The following BBOF1 variants were observed in gnomAD, a reference collection of about 807,000 sequenced individuals.
BBOF1 encodes the protein basal body-orientation factor 1.
A neutral mutation model predicts 68.0 loss-of-function variants in BBOF1; 62 were observed. That is an observed-to-expected ratio of 0.91 (90% CI 0.74 to 1.13). The LOEUF is 1.13. Ranked by LOEUF, BBOF1 falls within the 50% of genes most tolerant of loss-of-function variation. The probability of loss-of-function intolerance (pLI) is 0.00; values close to 1 mark genes in which losing one functional copy is unlikely to be tolerated. For synonymous variants in BBOF1, 208 were observed against 198.8 expected (o/e 1.05, Z -0.39); for missense variants, 534 against 600.1 (o/e 0.89, Z 1.15).
At chr14:74,021,219 T>TC (rs1272058546) in intron 1 of BBOF1, among the ~76,000 whole-genome samples, 4 of 152,166 alleles carry the variant, frequency 2.6e-5, no homozygotes, top group African/African-American at 9.7e-5. Context: ...AAAAATCTCT[T>TC]CCTTTACCAC....
intron 4 of BBOF1, among the ~76,000 whole-genome samples, chr14:74,036,683 CAAA>C (rs35152747): frequency 4.6e-5 from 5 of 108,478 alleles, no homozygotes; most frequent in African/African-American, 3.8e-5. Flanking sequence ...GACTCTGTCT[CAAA>C]AAAAAAAAAA....
chr14:74,043,111 G>A (rs1267388758), intron 5 of BBOF1, among the ~76,000 whole-genome samples: 1 of 152,024 alleles, frequency 6.6e-6, no homozygotes, highest in Non-Finnish European at 1.5e-5. Context: ...CAATCGGCCT[G>A]TTCATTTACT....
At chr14:74,074,769 G>A (rs1595129821) in intron 9 of BBOF1, among the ~76,000 whole-genome samples, 1 of 152,152 alleles carries the variant, frequency 6.6e-6, no homozygotes, top group African/African-American at 2.4e-5. Flanking sequence ...AGAACCTCTA[G>A]AAGCCATGAA....
chr14:74,056,198 A>ATTT (rs34594924), intron 9 of BBOF1, among the ~76,000 whole-genome samples: 17,080 of 123,796 alleles, frequency 0.14, 1,709 homozygotes, highest in East Asian at 0.56. Context: ...CGCCCGGCTA[A>ATTT]TTTTTTTTTT....
rs1024923841 is a variant in BBOF1 at position 74,079,682 on chromosome 14, T to A, written n.1536+1330T>A. On this transcript the variant is annotated intron_variant and non_coding_transcript_variant, in intron 10 of 12. Coordinates refer to the BBOF1 transcript ENST00000492026. Reference sequence around the variant, plus strand: ...CTCCTGACCTCATGATCCGCCCGCCTCAGCCTCCCAAAGTGCTGGGATTAC... The same window carrying A: ...CTCCTGACCTCATGATCCGCCCGCCACAGCCTCCCAAAGTGCTGGGATTAC... Among the ~76,000 whole-genome samples the A allele has an allele frequency of 3.3e-5, 5 of 152,082 alleles. No individual in the cohort carries two copies. In the East Asian group the frequency reaches 7.7e-4, roughly 24 times the overall value.
At chr14:74,028,302 T>C (rs1261709695) in intron 2 of BBOF1, among the ~76,000 whole-genome samples, 2 of 151,910 alleles carry the variant, frequency 1.3e-5, no homozygotes, top group Non-Finnish European at 2.9e-5. Flanking sequence ...CCAGGAGGCA[T>C]AGGTTGCTGT....
intron 8 of BBOF1, among the ~76,000 whole-genome samples, chr14:74,054,402 G>A (rs182008993): frequency 4.7e-5 from 7 of 148,440 alleles, no homozygotes; most frequent in Non-Finnish European, 1.0e-4. Flanking sequence ...TTTTTGAGTC[G>A]GAGTCTCGCT....
intron 6 of BBOF1, among the ~76,000 whole-genome samples, chr14:74,047,164 T>G (rs1040646789): frequency 2.0e-5 from 3 of 152,212 alleles, no homozygotes; most frequent in Non-Finnish European, 4.4e-5. Flanking sequence ...AGGGTTGTCA[T>G]GAGGTATATT....
intron 4 of BBOF1, among the ~76,000 whole-genome samples, chr14:74,036,558 C>T (rs1595042417): frequency 6.6e-6 from 1 of 152,058 alleles, no homozygotes; most frequent in East Asian, 1.9e-4. Flanking sequence ...GTGGCATGTG[C>T]CTGTAGTCCC....
chr14:74,062,136 C>G (rs1595106872), intron 11 of BBOF1, among the ~76,000 whole-genome samples: 1 of 147,016 alleles, frequency 6.8e-6, no homozygotes, highest in Non-Finnish European at 1.5e-5. Flanking sequence ...GTGGAGGTTG[C>G]AAGTGAGCCG....
downstream of BBOF1, among the ~76,000 whole-genome samples, chr14:74,068,495 C>A (rs781764286): frequency 1.5e-4 from 23 of 152,256 alleles, no homozygotes; most frequent in Non-Finnish European, 3.1e-4. Flanking sequence ...AATCCCAGCA[C>A]TTTGGGAGGC....
rs761042866 is a variant in BBOF1 at position 74,046,083 on chromosome 14, AAAG to A, written c.605_607del (p.Lys202del). On this transcript the variant is annotated inframe_deletion, in exon 6 of 12. Coordinates refer to ENST00000394009, the MANE Select transcript of BBOF1 (RefSeq NM_025057.3). The stretch of plus-strand genomic sequence containing the variant: ...AGCACCGACTAGAACAAGAGGCTGA[AAAG>A]AAGATAATAATGCTAGCAGAGAGAG... 1.2e-6 allele frequency: 2 copies of A among 1,608,972 alleles called. No homozygotes were observed. The highest frequency in any genetic ancestry group is 3.4e-5 in the Admixed American group (2 of 59,166).
downstream of BBOF1, among the ~76,000 whole-genome samples, chr14:74,066,550 A>G (rs548222355): frequency 9.2e-5 from 14 of 152,188 alleles, no homozygotes; most frequent in South Asian, 2.5e-3. Flanking sequence ...TTAGAAGGAG[A>G]GGCTCATTCA....
At chr14:74,042,523 T>A (rs2059844942) in intron 5 of BBOF1, among the ~76,000 whole-genome samples, 1 of 152,210 alleles carries the variant, frequency 6.6e-6, no homozygotes, top group Non-Finnish European at 1.5e-5. Flanking sequence ...GGTAGTTAAC[T>A]GCAGTTTGAA....
intron 2 of BBOF1, among the ~76,000 whole-genome samples, chr14:74,027,090 T>TC (rs1028780448): frequency 7.2e-6 from 1 of 138,820 alleles, no homozygotes; most frequent in African/African-American, 2.7e-5. Context: ...GCCTTTTTTT[T>TC]TTTTTTTTTT....
At chr14:74,064,297 CAAA>C (rs368051564) in intron 11 of BBOF1, among the ~76,000 whole-genome samples, 1 of 127,056 alleles carries the variant, frequency 7.9e-6, no homozygotes, top group Non-Finnish European at 1.7e-5. Flanking sequence ...GACTGTGTCT[CAAA>C]AAAAAAAAAA....
chr14:74,070,964 T>TC, downstream of BBOF1: 1 of 561,108 alleles, frequency 1.8e-6, no homozygotes. Context: ...CTAGCCCTAA[T>TC]CCATATTTCT....
intron 11 of BBOF1, among the ~76,000 whole-genome samples, chr14:74,062,922 A>G (rs890795452): frequency 3.3e-5 from 5 of 152,146 alleles, no homozygotes; most frequent in African/African-American, 9.7e-5. Context: ...CCCCTAGCCT[A>G]TTTGTTCAAC....
intron 11 of BBOF1, among the ~76,000 whole-genome samples, chr14:74,064,309 A>AAAT (rs1555376468): frequency 3.4e-5 from 5 of 148,704 alleles, no homozygotes; most frequent in African/African-American, 7.4e-5. Flanking sequence ...AAAAAAAAAA[A>AAAT]AATAATAATA....
Sources: gnomAD v4.1 joint callset for allele counts (sites outside exome capture counted in the v4.1 genomes callset) on GRCh38, gnomAD v4.1.1 for gene constraint, MANE v1.5 for transcripts, NCBI Gene and HGNC (gene_info 2026-07-23, HGNC 2026-07-21) for gene names.